PRKG1: variants seen among roughly 807,000 people sequenced by gnomAD.
PRKG1 encodes cGMP-dependent protein kinase 1.
Under a neutral mutation model 88.1 loss-of-function variants are expected in PRKG1, and 35 were observed. That is an observed-to-expected ratio of 0.40 (90% CI 0.30 to 0.53). The LOEUF (loss-of-function observed/expected upper bound fraction) is 0.53. PRKG1 is among the 20% of genes least tolerant of loss of function. The pLI is 0.59. For missense variants in PRKG1, 540 were observed against 839.8 expected, an observed-to-expected ratio of 0.64 and a Z score of 4.41; for synonymous variants, 303 against 292.5, an observed-to-expected ratio of 1.04 and a Z score of -0.37.
At chr10:51,648,057 C>T (rs1839956920) in intron 3 of PRKG1, among the ~76,000 whole-genome samples, 1 of 151,846 alleles carries the variant, frequency 6.6e-6, no homozygotes, top group African/African-American at 2.4e-5. Flanking sequence ...CACACACACA[C>T]ACACACACAT....
chr10:52,031,994 G>T (rs549733443), intron 5 of PRKG1, among the ~76,000 whole-genome samples: 4 of 152,114 alleles, frequency 2.6e-5, no homozygotes, highest in South Asian at 2.1e-4. Flanking sequence ...GGGAGAGGGG[G>T]TATTTAAACA....
chr10:51,645,101 T>C (rs1016740801), intron 3 of PRKG1, among the ~76,000 whole-genome samples: 1 of 152,172 alleles, frequency 6.6e-6, no homozygotes, highest in Non-Finnish European at 1.5e-5. Flanking sequence ...GGATTACAGG[T>C]GTCAGCTGCC....
At chr10:51,477,086 C>T (rs185957472) in intron 3 of PRKG1, among the ~76,000 whole-genome samples, 4 of 151,938 alleles carry the variant, frequency 2.6e-5, no homozygotes, top group Admixed American at 2.6e-4. Context: ...ACCAGCAAAA[C>T]ATTGAACTAC....
chr10:51,704,158 A>G (rs1307340998), intron 3 of PRKG1, among the ~76,000 whole-genome samples: 2 of 149,828 alleles, frequency 1.3e-5, no homozygotes, highest in African/African-American at 4.9e-5. Context: ...AAAAAAAAAA[A>G]TTAAATAAAT....
intron 2 of PRKG1, among the ~76,000 whole-genome samples, chr10:51,420,513 G>A (rs1028657969): frequency 9.2e-5 from 14 of 152,038 alleles, no homozygotes; most frequent in Non-Finnish European, 1.8e-4. Flanking sequence ...CCCAGCCCAC[G>A]TCCCTAAACC....
At chr10:52,198,339 T>G (rs922374750) in intron 9 of PRKG1, among the ~76,000 whole-genome samples, 13 of 152,194 alleles carry the variant, frequency 8.5e-5, no homozygotes, top group African/African-American at 2.9e-4. Context: ...CTGATAGACA[T>G]AGTTTTTATG....
chr10:51,340,182 G>T (rs1210579999), intron 2 of PRKG1, among the ~76,000 whole-genome samples: 1 of 152,004 alleles, frequency 6.6e-6, no homozygotes, highest in African/African-American at 2.4e-5. Flanking sequence ...CATTATGTCA[G>T]GTTAAAGACA....
intron 17 of PRKG1, among the ~76,000 whole-genome samples, chr10:52,291,491 T>C (rs1204641398): frequency 6.9e-6 from 1 of 145,880 alleles, no homozygotes; most frequent in Non-Finnish European, 1.5e-5. Context: ...CACCTATGAG[T>C]GAGAATATGC....
chr10:51,783,052 G>A (rs758645458), intron 3 of PRKG1, among the ~76,000 whole-genome samples: 3 of 151,740 alleles, frequency 2.0e-5, no homozygotes, highest in Non-Finnish European at 2.9e-5. Context: ...TACACTTATC[G>A]AAAACTCTTA....
chr10:51,745,366 T>C (rs574843595), intron 3 of PRKG1, among the ~76,000 whole-genome samples: 2 of 152,296 alleles, frequency 1.3e-5, no homozygotes, highest in South Asian at 2.1e-4. Flanking sequence ...CACAGCACAA[T>C]TGACAGGAAG....
At chr10:51,718,856 G>C (rs1311375278) in intron 3 of PRKG1, among the ~76,000 whole-genome samples, 1 of 150,332 alleles carries the variant, frequency 6.7e-6, no homozygotes, top group Non-Finnish European at 1.5e-5. Context: ...AAAAAAGTTA[G>C]AATTCCTAGG....
chr10:51,881,566 G>A (rs1841438695), intron 4 of PRKG1, among the ~76,000 whole-genome samples: 1 of 152,116 alleles, frequency 6.6e-6, no homozygotes, highest in South Asian at 2.1e-4. Flanking sequence ...ATGGTACCAG[G>A]CCTCTTATCA....
At chr10:51,305,495 A>C (rs1220227353) in intron 2 of PRKG1, among the ~76,000 whole-genome samples, 1 of 152,174 alleles carries the variant, frequency 6.6e-6, no homozygotes, top group Non-Finnish European at 1.5e-5. Context: ...CTCTCCAAAT[A>C]ATAAGTAAAT....
intron 2 of PRKG1, among the ~76,000 whole-genome samples, chr10:51,356,068 A>G (rs1198812821): frequency 6.6e-6 from 1 of 152,056 alleles, no homozygotes; most frequent in Non-Finnish European, 1.5e-5. Context: ...CTCCCATCAT[A>G]GAATTCACCT....
chr10:52,059,204 A>G (rs1846177774), intron 6 of PRKG1, among the ~76,000 whole-genome samples: 1 of 151,998 alleles, frequency 6.6e-6, no homozygotes, highest in African/African-American at 2.4e-5. Flanking sequence ...TGGTATTCTC[A>G]ATCACTGCTC....
Position 51,392,904 on chromosome 10 carries a change from G to A in PRKG1, c.479-74819G>A, listed in dbSNP as rs1169965129. 1.7e-4 allele frequency among the ~76,000 whole-genome samples: 12 copies of A among 69,890 alleles called. No homozygotes were observed. The South Asian group carries it at 4.1e-3, about 24-fold the overall frequency. 45.9% of individuals were successfully genotyped at this position (69,890 alleles called of 152,430 possible). On this transcript the variant is annotated intron_variant, in intron 2 of 17. Transcript: ENST00000373980. ...CCAGACGGGGCGGCTGGCCGGGTGGGGGGCTGACCACCCCCACCTCCCTCC... is the reference window on the plus strand; with the variant it reads ...CCAGACGGGGCGGCTGGCCGGGTGGAGGGCTGACCACCCCCACCTCCCTCC...
intron 3 of PRKG1, among the ~76,000 whole-genome samples, chr10:51,735,166 C>T (rs1029728479): frequency 6.6e-6 from 1 of 152,140 alleles, no homozygotes; most frequent in African/African-American, 2.4e-5. Context: ...TGCTCACTTC[C>T]AGACAGATTA....
At chr10:51,963,575 C>G (rs962482701) in intron 5 of PRKG1, among the ~76,000 whole-genome samples, 3 of 151,994 alleles carry the variant, frequency 2.0e-5, no homozygotes, top group Non-Finnish European at 2.9e-5. Flanking sequence ...TTCTTCCTGC[C>G]TCAGCCACCC....
intron 2 of PRKG1, among the ~76,000 whole-genome samples, chr10:51,206,324 T>C (rs1838058832): frequency 6.6e-6 from 1 of 151,300 alleles, no homozygotes; most frequent in Non-Finnish European, 1.5e-5. Flanking sequence ...ACCCCGTCTC[T>C]ACTAAAAATA....
Sources: allele counts gnomAD v4.1 joint callset (sites outside exome capture counted in the v4.1 genomes callset), GRCh38; gene constraint gnomAD v4.1.1; transcripts MANE v1.5; gene names NCBI Gene and HGNC (gene_info 2026-07-23, HGNC 2026-07-21).